SLC20A2: variants seen among roughly 807,000 people sequenced by gnomAD.
SLC20A2 encodes the protein sodium-dependent phosphate transporter 2.
In SLC20A2, 30 loss-of-function variants were observed where a neutral mutation model predicts 61.0. The ratio of observed to expected loss-of-function variants is 0.49; its 90% CI spans 0.37 to 0.67. The LOEUF (loss-of-function observed/expected upper bound fraction) is 0.67. SLC20A2 is among the 30% of genes least tolerant of loss of function. SLC20A2 has a pLI of 0.00. For missense variants in SLC20A2, 626 were observed against 866.4 expected, an observed-to-expected ratio of 0.72 and a Z score of 3.48; for synonymous variants, 351 against 353.3, an observed-to-expected ratio of 0.99 and a Z score of 0.07.
chr8:42,426,747 G>T (rs1025133414), intron 10 of SLC20A2, among the ~76,000 whole-genome samples: 1 of 152,166 alleles, frequency 6.6e-6, no homozygotes, highest in African/African-American at 2.4e-5. Flanking sequence ...TTCAACTGGT[G>T]TAGAAGAGTC....
At chr8:42,483,325 C>T (rs112844178) in intron 1 of SLC20A2, among the ~76,000 whole-genome samples, 5,974 of 150,784 alleles carry the variant, frequency 0.04, 188 homozygotes, top group Middle Eastern at 0.067. Context: ...AAGGCGAGAT[C>T]GTGCCATTGC....
intron 2 of SLC20A2, among the ~76,000 whole-genome samples, chr8:42,466,813 T>C (rs940453104): frequency 1.3e-5 from 2 of 152,006 alleles, no homozygotes; most frequent in African/African-American, 4.8e-5. Context: ...AGATTACAAG[T>C]GTGCACCACC....
chr8:42,522,029 CAA>C (rs1349532423), intron 1 of SLC20A2, among the ~76,000 whole-genome samples: 2,251 of 120,926 alleles, frequency 0.019, 298 homozygotes, highest in African/African-American at 0.053. Flanking sequence ...CATTTAAAAA[CAA>C]AAAGTTTTTT....
In SLC20A2 at chr8:42,430,384, A is replaced by C. The variant is rs181823028; in HGVS notation, c.1524-135T>G. The C allele has an allele frequency of 2.0e-5, 16 of 805,122 alleles. No individual in the cohort carries two copies. In the Admixed American group the frequency reaches 4.8e-4, roughly 24 times the overall value. 49.9% of individuals were successfully genotyped at this position (805,122 alleles called of 1,614,324 possible). A position where few individuals can be genotyped will look rare whatever the true frequency, so the allele number is the denominator to read the frequency against. On this transcript the variant is annotated intron_variant, in intron 8 of 10. Coordinates refer to ENST00000520262, the MANE Select transcript of SLC20A2 (RefSeq NM_001257180.2). ...ATGTTTTTCTTTCTTTTTTTTTGAG[A>C]CAGAGTCTTGCTCTGTTGCCCAGGC...
intron 5 of SLC20A2, among the ~76,000 whole-genome samples, chr8:42,456,541 G>A (rs914710486): frequency 2.0e-5 from 3 of 152,002 alleles, no homozygotes; most frequent in Non-Finnish European, 2.9e-5. Context: ...GACCAGACTG[G>A]CCAACATAGC....
chr8:42,495,146 C>T (rs1586202458), intron 1 of SLC20A2, among the ~76,000 whole-genome samples: 1 of 152,132 alleles, frequency 6.6e-6, no homozygotes, highest in Non-Finnish European at 1.5e-5. Flanking sequence ...TGAGCCACTG[C>T]GCCCGGCCAC....
At chr8:42,439,137 A>G (rs1804564723) in intron 7 of SLC20A2, among the ~76,000 whole-genome samples, 2 of 152,172 alleles carry the variant, frequency 1.3e-5, no homozygotes, top group Admixed American at 6.5e-5. Context: ...CAGCAATTCG[A>G]TAACTCCTGG....
chr8:42,440,425 T>A (rs965271337), intron 6 of SLC20A2, among the ~76,000 whole-genome samples: 5 of 152,342 alleles, frequency 3.3e-5, no homozygotes, highest in African/African-American at 1.2e-4. Flanking sequence ...CTACTCAGCA[T>A]AATGCCTTTG....
intron 1 of SLC20A2, among the ~76,000 whole-genome samples, chr8:42,519,953 TG>T (rs1269897709): frequency 2.0e-5 from 3 of 151,776 alleles, no homozygotes; most frequent in Admixed American, 6.6e-5. Context: ...GTTGAAATGT[TG>T]CCGGACATTA....
chr8:42,435,403 G>C (rs1014793409), intron 8 of SLC20A2, among the ~76,000 whole-genome samples: 1 of 152,180 alleles, frequency 6.6e-6, no homozygotes, highest in Non-Finnish European at 1.5e-5. Flanking sequence ...GACAGAAACC[G>C]AGCGAGTGGG....
chr8:42,462,834 A>G (rs952521276), intron 4 of SLC20A2, among the ~76,000 whole-genome samples, 171 bp downstream of exon 4: 4 of 152,210 alleles, frequency 2.6e-5, no homozygotes, highest in Non-Finnish European at 5.9e-5. Context: ...TGGGTAATTT[A>G]CCTTGGCTCT....
intron 2 of SLC20A2, 65 bp from the exon 3 acceptor site, chr8:42,465,982 A>T: frequency 7.1e-7 from 1 of 1,409,554 alleles, no homozygotes; most frequent in Non-Finnish European, 9.5e-7. Context: ...CAAGGGAAGA[A>T]ATCCAAATGT....
chr8:42,520,109 G>T (rs1328057095), intron 1 of SLC20A2, among the ~76,000 whole-genome samples: 1 of 149,558 alleles, frequency 6.7e-6, no homozygotes, highest in Non-Finnish European at 1.5e-5. Context: ...CATCTCCCGG[G>T]TTCAAGCAAT....
At position 42,428,743 on chromosome 8, in the gene SLC20A2, C is replaced by G; in HGVS notation, c.1794+15G>C. ...CAGCGGCCTGGGGAAGGGCTCCCGGCTAGCAGGGGCCTACCTTACAGTGCG... is the reference window on the plus strand; with the variant it reads ...CAGCGGCCTGGGGAAGGGCTCCCGGGTAGCAGGGGCCTACCTTACAGTGCG... On this transcript the variant is annotated intron_variant, in intron 10 of 10. Coordinates refer to ENST00000520262, the MANE Select transcript of SLC20A2 (RefSeq NM_001257180.2). 4 of 1,606,718 alleles carry G rather than the reference C, an allele frequency of 2.5e-6. No individual in the cohort carries two copies. Among genetic ancestry groups the G allele is most frequent in the Non-Finnish European group, 3.4e-6 (4 of 1,176,792 alleles).
At chr8:42,541,206 C>G (rs1168804101) in intron 1 of SLC20A2, 1 of 152,118 alleles carries the variant, frequency 6.6e-6, no homozygotes, top group Non-Finnish European at 1.5e-5. Context: ...GCAGGTAATG[C>G]CCGGTCCCTG....
intron 10 of SLC20A2, among the ~76,000 whole-genome samples, chr8:42,420,709 A>G (rs773842656): frequency 4.3e-4 from 65 of 152,218 alleles, no homozygotes; most frequent in Non-Finnish European, 6.6e-4. Flanking sequence ...TAAGATATAC[A>G]TAACATAAAA....
upstream of SLC20A2, among the ~76,000 whole-genome samples, chr8:42,505,174 T>C (rs1056061809): frequency 2.0e-5 from 3 of 151,400 alleles, no homozygotes; most frequent in Admixed American, 2.0e-4. Context: ...AGTGACACAA[T>C]CTTGGTTCAC....
At chr8:42,454,105 G>A (rs1805948409) in intron 5 of SLC20A2, among the ~76,000 whole-genome samples, 1 of 152,148 alleles carries the variant, frequency 6.6e-6, no homozygotes, top group Non-Finnish European at 1.5e-5. Flanking sequence ...CTAGGTTCAT[G>A]CCATTCTCCT....
chr8:42,490,346 C>T (rs1456438390), intron 1 of SLC20A2, among the ~76,000 whole-genome samples: 1 of 152,064 alleles, frequency 6.6e-6, no homozygotes, highest in Admixed American at 6.6e-5. Flanking sequence ...GCCTGTAATC[C>T]CAACACTTTG....
Sources: allele counts gnomAD v4.1 joint callset (sites outside exome capture counted in the v4.1 genomes callset), GRCh38; gene constraint gnomAD v4.1.1; transcripts MANE v1.5; gene names NCBI Gene and HGNC (gene_info 2026-07-23, HGNC 2026-07-21).